The following VPS53 variants were observed in gnomAD, a reference collection of about 807,000 sequenced individuals.
VPS53 encodes the protein VPS53 subunit of GARP complex.
VPS53 carries 70 observed loss-of-function variants against 107.0 expected under a neutral mutation model. That is an observed-to-expected ratio of 0.65 (90% CI 0.54 to 0.80). VPS53 has a LOEUF of 0.80. Ranked by LOEUF, VPS53 falls within the 30% of genes least tolerant of loss-of-function variation. The pLI, the probability that VPS53 is intolerant of heterozygous loss-of-function variation, is 0.00. For synonymous variants in VPS53, 409 were observed against 393.3 expected (o/e 1.04, Z -0.47); for missense variants, 917 against 1,049.4 (o/e 0.87, Z 1.74).
chr17:631,217 C>T (rs1344924070), intron 8 of VPS53, among the ~76,000 whole-genome samples: 1 of 151,712 alleles, frequency 6.6e-6, no homozygotes, highest in African/African-American at 2.4e-5. Flanking sequence ...ATGTAACAAT[C>T]CTAAAAACAC....
chr17:544,809 G>A (rs990422311), intron 17 of VPS53, among the ~76,000 whole-genome samples: 1 of 152,118 alleles, frequency 6.6e-6, no homozygotes, highest in African/African-American at 2.4e-5. Flanking sequence ...GCCAGGCACA[G>A]TGGCTCACAC....
At chr17:569,592 C>A (rs1913850404) in intron 13 of VPS53, among the ~76,000 whole-genome samples, 1 of 152,074 alleles carries the variant, frequency 6.6e-6, no homozygotes, top group African/African-American at 2.4e-5. Flanking sequence ...AGAATGCCAA[C>A]TGATAAACGC....
chr17:583,251 C>A (rs182452372), intron 13 of VPS53, among the ~76,000 whole-genome samples: 1 of 150,842 alleles, frequency 6.6e-6, no homozygotes, highest in Non-Finnish European at 1.5e-5. Flanking sequence ...CCTTCGGAAC[C>A]TCAGTGCATT....
intron 19 of VPS53, among the ~76,000 whole-genome samples, chr17:527,047 T>C (rs561732925): frequency 6.6e-6 from 1 of 152,354 alleles, no homozygotes; most frequent in Non-Finnish European, 1.5e-5. Flanking sequence ...TTTTTCTTTT[T>C]AAAAAAATTA....
intron 17 of VPS53, among the ~76,000 whole-genome samples, chr17:548,026 C>T (rs187529794): frequency 7.6e-4 from 115 of 152,036 alleles, no homozygotes; most frequent in Non-Finnish European, 1.4e-3. Flanking sequence ...CTTGGGCAGA[C>T]GATAGCAGGA....
Position 630,352 on chromosome 17 carries a change from G to C in VPS53, c.687+1198C>G, listed in dbSNP as rs1969903776. Among the ~76,000 whole-genome samples, 2 of 151,600 alleles carry C rather than the reference G, an allele frequency of 1.3e-5. 1 individual carries two copies. The highest frequency in any genetic ancestry group is 4.2e-4 in the South Asian group (2 of 4,796). On this transcript the variant is annotated intron_variant, in intron 8 of 21. Coordinates refer to ENST00000437048, the MANE Select transcript of VPS53 (RefSeq NM_001128159.3). ...GAAACGGGCAGCTGAGTACACGTGA[G>C]GCTAACCTTGTCCTAAGAAGAGCCC...
At chr17:532,995 C>T (rs1022039227) in intron 18 of VPS53, 84 bp from the exon 19 acceptor site, 9 of 1,517,814 alleles carry the variant, frequency 5.9e-6, no homozygotes, top group Non-Finnish European at 8.0e-6. Flanking sequence ...CACGTATCTC[C>T]ATGAAAAAAC....
chr17:711,173 G>T (rs890525270), intron 1 of VPS53, among the ~76,000 whole-genome samples: 1 of 152,106 alleles, frequency 6.6e-6, no homozygotes, highest in Non-Finnish European at 1.5e-5. Flanking sequence ...TTCTATCACT[G>T]AACTCCAGCC....
At chr17:705,294 A>C (rs1024510654) in intron 2 of VPS53, among the ~76,000 whole-genome samples, 4 of 152,052 alleles carry the variant, frequency 2.6e-5, no homozygotes, top group African/African-American at 9.7e-5. Context: ...CCAGTTCAAA[A>C]TTCTTAACTT....
intron 11 of VPS53, among the ~76,000 whole-genome samples, 153 bp from the exon 12 acceptor site, chr17:602,049 C>T (rs1044345137): frequency 2.0e-5 from 3 of 152,182 alleles, no homozygotes; most frequent in Non-Finnish European, 4.4e-5. Flanking sequence ...TTCTTGCCTC[C>T]GGGCCTTCAC....
chr17:635,711 G>C, intron 7 of VPS53, among the ~76,000 whole-genome samples: 1 of 152,108 alleles, frequency 6.6e-6, no homozygotes, highest in Non-Finnish European at 1.5e-5. Context: ...GGTTGTAGAT[G>C]TGTGGTATTA....
At chr17:562,225 C>T (rs1013602537) in intron 14 of VPS53, among the ~76,000 whole-genome samples, 1 of 152,130 alleles carries the variant, frequency 6.6e-6, no homozygotes, top group African/African-American at 2.4e-5. Flanking sequence ...ATAGCTGAAT[C>T]CATGAAAATT....
chr17:671,157 G>C (rs1401632976), intron 4 of VPS53, among the ~76,000 whole-genome samples: 1 of 152,052 alleles, frequency 6.6e-6, no homozygotes, highest in African/African-American at 2.4e-5. Flanking sequence ...CCTGCACCTA[G>C]GAGGTGGAGG....
chr17:637,468 A>T (rs1382275396), intron 7 of VPS53, among the ~76,000 whole-genome samples: 1 of 152,058 alleles, frequency 6.6e-6, no homozygotes, highest in Non-Finnish European at 1.5e-5. Context: ...GAGCTTTTGA[A>T]TGTGTTTGCT....
At chr17:689,368 G>C (rs1420823787) in intron 4 of VPS53, among the ~76,000 whole-genome samples, 1 of 151,700 alleles carries the variant, frequency 6.6e-6, no homozygotes, top group Non-Finnish European at 1.5e-5. Flanking sequence ...TGCCATCATA[G>C]ACTGCTGTAA....
intron 4 of VPS53, among the ~76,000 whole-genome samples, chr17:689,582 T>C (rs1033431595): frequency 2.0e-5 from 3 of 148,856 alleles, no homozygotes; most frequent in African/African-American, 7.4e-5. Context: ...CAAGTGATTC[T>C]CCAGCCTCAG....
Position 518,848 on chromosome 17 carries a change from G to T in VPS53, c.*280C>A. ...TGTGACTGCCATGGGGAGGCTACAT[G>T]AGTCAAGGGCAGCTCAGGGACCTAT... On this transcript the variant is annotated 3_prime_UTR_variant, in exon 22 of 22. Coordinates refer to ENST00000437048, the MANE Select transcript of VPS53 (RefSeq NM_001128159.3). The T allele has an allele frequency of 1.5e-5, 4 of 261,936 alleles. No homozygotes were observed. Among genetic ancestry groups the T allele is most frequent in the Non-Finnish European group, 2.2e-5 (3 of 139,028 alleles). 16.2% of individuals were successfully genotyped at this position (261,936 alleles called of 1,614,324 possible).
intron 10 of VPS53, 55 bp from the exon 11 acceptor site, chr17:623,729 G>A: frequency 6.5e-7 from 1 of 1,541,304 alleles, no homozygotes; most frequent in African/African-American, 1.4e-5. Flanking sequence ...TCATTCAGTA[G>A]AGATAAGGTA....
intron 4 of VPS53, 119 bp from the exon 5 acceptor site, chr17:662,014 T>C (rs1208428568): frequency 6.5e-6 from 6 of 923,150 alleles, no homozygotes. Context: ...TCATTGTACT[T>C]ATGCCAACAA....
Sources: gnomAD v4.1 joint callset for allele counts (sites outside exome capture counted in the v4.1 genomes callset) on GRCh38, gnomAD v4.1.1 for gene constraint, MANE v1.5 for transcripts, NCBI Gene and HGNC (gene_info 2026-07-23, HGNC 2026-07-21) for gene names.